Variants in PCDHGB3 observed in about 807,000 individuals in gnomAD.
PCDHGB3 encodes protocadherin gamma-B3.
A neutral mutation model predicts 59.2 loss-of-function variants in PCDHGB3; 40 were observed. The ratio of observed to expected loss-of-function variants is 0.68; its 90% confidence interval spans 0.52 to 0.88. The LOEUF is 0.88. Ranked by LOEUF, PCDHGB3 falls within the 40% of genes least tolerant of loss-of-function variation. PCDHGB3 has a pLI of 0.00. For missense variants in PCDHGB3, 1,309 were observed against 1,187.9 expected, an observed-to-expected ratio of 1.10 and a Z score of -1.50; for synonymous variants, 581 against 503.6, an observed-to-expected ratio of 1.15 and a Z score of -2.06.
In PCDHGB3 at chr5:141,509,341, G is replaced by C. The variant is rs552337350; in HGVS notation, c.2564-1606G>C. Among the ~76,000 whole-genome samples, 4 of 152,290 alleles carry C rather than the reference G, an allele frequency of 2.6e-5. No homozygotes were observed. The East Asian group carries it at 7.7e-4, about 29-fold the overall frequency. On this transcript the variant is annotated intron_variant, in intron 3 of 3. Transcript: ENST00000576222. ...GAAGCTCTACTGCCAGCTGGGCCTG[G>C]GCTGGCCTGGGCATCCCTGAGGTTT...
intron 1 of PCDHGB3, chr5:141,395,843 A>T (rs570175269): frequency 2.0e-5 from 3 of 152,044 alleles, no homozygotes; most frequent in Non-Finnish European, 4.4e-5. Flanking sequence ...TTGGTGGGAG[A>T]TGAGACTGGT....
At chr5:141,399,129 A>G (rs1280077247) in intron 1 of PCDHGB3, 2 of 1,613,848 alleles carry the variant, frequency 1.2e-6, no homozygotes, top group Non-Finnish European at 8.5e-7. Context: ...TTAATATTCA[A>G]GATGAAAATG....
chr5:141,399,713 A>T, intron 1 of PCDHGB3: 1 of 1,613,326 alleles, frequency 6.2e-7, no homozygotes, highest in Non-Finnish European at 8.5e-7. Context: ...CTCACACTAC[A>T]GGCCCGCGAC....
chr5:141,373,718 CA>C, intron 1 of PCDHGB3, among the ~76,000 whole-genome samples: 1 of 152,310 alleles, frequency 6.6e-6, no homozygotes, highest in East Asian at 1.9e-4. Context: ...TAATCTCTTA[CA>C]CTCTTCTAAA....
At chr5:141,407,179 C>T (rs566759065) in intron 1 of PCDHGB3, among the ~76,000 whole-genome samples, 2 of 152,256 alleles carry the variant, frequency 1.3e-5, no homozygotes, top group South Asian at 2.1e-4. Context: ...GACATACAGA[C>T]ATTTTAATTA....
intron 1 of PCDHGB3, among the ~76,000 whole-genome samples, chr5:141,429,377 G>GT (rs566693637): frequency 0.17 from 24,737 of 149,382 alleles, 2,566 homozygotes; most frequent in African/African-American, 0.31. Context: ...GAGAAAATGT[G>GT]TTTTTTTTTT....
chr5:141,395,558 G>C (rs60237573), intron 1 of PCDHGB3: 1 of 127,872 alleles, frequency 7.8e-6, no homozygotes, highest in Non-Finnish European at 1.4e-5. Flanking sequence ...GTGTGTGTGT[G>C]TGTGTGTGTG....
At position 141,505,504 on chromosome 5, in the gene PCDHGB3, T is replaced by C. The variant is rs756583857; in HGVS notation, c.2563+23T>C. The C allele has an allele frequency of 9.3e-6, 15 of 1,614,020 alleles. No individual in the cohort carries two copies. The African/African-American group carries it at 1.2e-4, about 13-fold the overall frequency. ...GTGGTAAGTGGTGTCAGTGTGTGTA[T>C]GGAAGAGTGGGAGACCTGGGGTTCT... On this transcript the variant is annotated intron_variant, in intron 3 of 3. Transcript: ENST00000576222.
intron 1 of PCDHGB3, among the ~76,000 whole-genome samples, chr5:141,429,781 A>G (rs2097245343): frequency 1.3e-5 from 2 of 152,186 alleles, no homozygotes; most frequent in Non-Finnish European, 2.9e-5. Context: ...TGGGCTTCCA[A>G]AAGTATTACC....
At chr5:141,483,293 G>T (rs532959899) in intron 1 of PCDHGB3, among the ~76,000 whole-genome samples, 1 of 152,264 alleles carries the variant, frequency 6.6e-6, no homozygotes, top group Non-Finnish European at 1.5e-5. Flanking sequence ...TCAGTCATAA[G>T]TGAAGGGACT....
intron 1 of PCDHGB3, chr5:141,387,654 G>A: frequency 1.6e-6 from 1 of 644,700 alleles, no homozygotes. Context: ...AAAGTGGAGA[G>A]CTTGGCGCTC....
intron 2 of PCDHGB3, among the ~76,000 whole-genome samples, chr5:141,503,744 A>G (rs1310696654): frequency 2.0e-5 from 3 of 152,112 alleles, no homozygotes; most frequent in African/African-American, 4.8e-5. Context: ...GATGGTATAG[A>G]GGTCACACAT....
intron 1 of PCDHGB3, chr5:141,422,778 C>T (rs1041081332): frequency 1.9e-6 from 3 of 1,613,932 alleles, no homozygotes; most frequent in Admixed American, 1.7e-5. Flanking sequence ...TTCTCTATGC[C>T]CTACAATCCT....
chr5:141,376,836 G>T, intron 1 of PCDHGB3: 1 of 252,676 alleles, frequency 4.0e-6, no homozygotes, highest in Admixed American at 5.1e-5. Context: ...ACAGGCGCCC[G>T]CCACCGCGCC....
intron 1 of PCDHGB3, chr5:141,421,501 G>T: frequency 6.2e-7 from 1 of 1,614,094 alleles, no homozygotes; most frequent in Non-Finnish European, 8.5e-7. Context: ...AGGCAGGATA[G>T]ACCGGGAGGA....
chr5:141,494,925 G>T (rs936071950), intron 2 of PCDHGB3, 60 bp downstream of exon 2: 1 of 1,613,316 alleles, frequency 6.2e-7, no homozygotes. Flanking sequence ...GGGATGACGT[G>T]GGAGGAGATG....
Position 141,448,649 on chromosome 5 carries a change from T to C in PCDHGB3, c.2416-46158T>C, listed in dbSNP as rs181402439. 1.4e-3 allele frequency among the ~76,000 whole-genome samples: 218 copies of C among 152,220 alleles called. 1 individual carries two copies. Among genetic ancestry groups the C allele is most frequent in the African/African-American group, 5.0e-3 (206 of 41,530 alleles). On this transcript the variant is annotated intron_variant, in intron 1 of 3. Transcript: ENST00000576222. ...CTTCACATTATATCCTTTAAAAATA[T>C]TTCCATATTGGCCGGGCGCGGTGGC...
rs1391608601 is a variant in PCDHGB3 at position 141,511,893 on chromosome 5, A to G, written c.*720A>G. The G allele has an allele frequency of 6.4e-6, 1 of 155,062 alleles. No homozygotes were observed. Among genetic ancestry groups the G allele is most frequent in the East Asian group, 1.9e-4 (1 of 5,240 alleles). 9.6% of individuals were successfully genotyped at this position (155,062 alleles called of 1,614,324 possible). A position where few individuals can be genotyped will look rare whatever the true frequency, so the allele number is the denominator to read the frequency against. On this transcript the variant is annotated 3_prime_UTR_variant, in exon 4 of 4. Transcript: ENST00000576222. ...TCCACTGCATGCCTTGACTTCCCCC[A>G]CCTCCTCCTCAAACAAGAGACTCCA...
rs960781969 is a variant in PCDHGB3, at chr5:141,370,267, C to G, written c.-128C>G. On this transcript the variant is annotated 5_prime_UTR_variant, in exon 1 of 4. Transcript: ENST00000576222. ...GCACTCTCTATCAGGCTTCCTGCAGCGGAGACACCCATTAGAGAACCCAAG... is the reference window on the plus strand; with the variant it reads ...GCACTCTCTATCAGGCTTCCTGCAGGGGAGACACCCATTAGAGAACCCAAG... 3 of 767,522 alleles carry G rather than the reference C, an allele frequency of 3.9e-6. No individual in the cohort carries two copies. Among genetic ancestry groups the G allele is most frequent in the Non-Finnish European group, 6.1e-6 (3 of 493,588 alleles). The allele number at this position is 767,522 out of a possible 1,614,324, so 47.5% of individuals were successfully genotyped here.
Sources: gnomAD v4.1 joint callset for allele counts (sites outside exome capture counted in the v4.1 genomes callset) on GRCh38, gnomAD v4.1.1 for gene constraint, MANE v1.5 for transcripts, NCBI Gene and HGNC (gene_info 2026-07-23, HGNC 2026-07-21) for gene names.